The following UBE3D variants were observed in gnomAD, a reference collection of about 807,000 sequenced individuals.
UBE3D encodes E3 ubiquitin-protein ligase E3D.
In UBE3D, 48 loss-of-function variants were observed where a neutral mutation model predicts 49.6. The ratio of observed to expected loss-of-function variants is 0.97; its 90% CI spans 0.77 to 1.23. The LOEUF is 1.23. UBE3D is among the 50% of genes most tolerant of loss of function. The pLI, the probability that UBE3D is intolerant of heterozygous loss-of-function variation, is 0.00. For missense variants in UBE3D, 452 were observed against 468.4 expected (o/e 0.96, Z 0.32); for synonymous variants, 189 against 174.2 (o/e 1.08, Z -0.67).
chr6:82,975,723 A>G (rs981851631), intron 8 of UBE3D, among the ~76,000 whole-genome samples: 1 of 152,176 alleles, frequency 6.6e-6, no homozygotes, highest in Non-Finnish European at 1.5e-5. Flanking sequence ...TTTTTAAAAA[A>G]CTAACCTAAA....
chr6:82,945,874 C>T (rs1010787944), intron 9 of UBE3D, among the ~76,000 whole-genome samples: 1 of 152,116 alleles, frequency 6.6e-6, no homozygotes. Flanking sequence ...GCAACTTACA[C>T]ACTAAAGATT....
At chr6:82,956,763 C>T (rs764124900) in intron 9 of UBE3D, among the ~76,000 whole-genome samples, 17 of 152,172 alleles carry the variant, frequency 1.1e-4, no homozygotes, top group Non-Finnish European at 2.5e-4. Context: ...AGTTATACAG[C>T]TGTGAGTTCT....
At chr6:82,919,570 T>A (rs971209470) in intron 9 of UBE3D, among the ~76,000 whole-genome samples, 3 of 151,780 alleles carry the variant, frequency 2.0e-5, no homozygotes, top group Non-Finnish European at 4.4e-5. Context: ...CACTCCAGCC[T>A]GGGCGACACA....
chr6:83,012,391 A>G (rs1780401598), intron 8 of UBE3D, among the ~76,000 whole-genome samples: 1 of 152,158 alleles, frequency 6.6e-6, no homozygotes, highest in Non-Finnish European at 1.5e-5. Flanking sequence ...CTGCTGGCAA[A>G]TTGCGCGTTC....
chr6:82,970,400 G>A (rs1381714933), intron 8 of UBE3D, among the ~76,000 whole-genome samples: 7 of 151,930 alleles, frequency 4.6e-5, no homozygotes, highest in Admixed American at 4.6e-4. Context: ...CACAGGCAGA[G>A]GGCAGAAAAC....
chr6:82,946,875 TG>T (rs1775444131), intron 9 of UBE3D, among the ~76,000 whole-genome samples: 1 of 151,724 alleles, frequency 6.6e-6, no homozygotes, highest in Admixed American at 6.6e-5. Flanking sequence ...AGATAGTTTT[TG>T]CAAACCTCAT....
chr6:83,053,832 G>C (rs76863083), intron 3 of UBE3D, among the ~76,000 whole-genome samples: 1 of 152,174 alleles, frequency 6.6e-6, no homozygotes, highest in Non-Finnish European at 1.5e-5. Flanking sequence ...ACTCAGCATC[G>C]TGTTGGATGA....
rs1045657354 is a variant in UBE3D, at chr6:82,930,429, G to T, written c.1149+26883C>A. 7.9e-4 allele frequency among the ~76,000 whole-genome samples: 121 copies of T among 152,202 alleles called. 1 individual carries two copies. Among genetic ancestry groups the T allele is most frequent in the Non-Finnish European group, 1.9e-4 (13 of 68,034 alleles). On this transcript the variant is annotated intron_variant, in intron 9 of 9. Transcript: ENST00000369747. ...GGAACTGGGTAACAGGCAGAGGTTG[G>T]AATAGTTTGGCAGGCTCAGAAGAAG...
intron 5 of UBE3D, among the ~76,000 whole-genome samples, chr6:83,028,985 G>C (rs1456477351): frequency 6.6e-6 from 1 of 151,996 alleles, no homozygotes; most frequent in East Asian, 1.9e-4. Context: ...CACCTTAATT[G>C]TATTAGGAAA....
chr6:82,926,518 G>A (rs293505), intron 9 of UBE3D, among the ~76,000 whole-genome samples: 2 of 152,018 alleles, frequency 1.3e-5, no homozygotes, highest in Non-Finnish European at 2.9e-5. Flanking sequence ...AATTGCCAAC[G>A]TGTTTTCTAA....
chr6:83,051,026 A>G (rs1245012350), intron 3 of UBE3D, among the ~76,000 whole-genome samples: 3 of 152,262 alleles, frequency 2.0e-5, no homozygotes, highest in African/African-American at 7.2e-5. Flanking sequence ...AAAAGGTTTG[A>G]AACACTAAAC....
At chr6:83,055,162 C>T (rs1783736792) in intron 2 of UBE3D, among the ~76,000 whole-genome samples, 1 of 152,054 alleles carries the variant, frequency 6.6e-6, no homozygotes, top group Non-Finnish European at 1.5e-5. Flanking sequence ...ATATTTCTCA[C>T]ACTATGGGAA....
chr6:82,999,463 C>T (rs1779471566), intron 8 of UBE3D, among the ~76,000 whole-genome samples: 1 of 152,280 alleles, frequency 6.6e-6, no homozygotes, highest in East Asian at 1.9e-4. Flanking sequence ...AGGCTCATGG[C>T]AACCTCTGCC....
chr6:83,026,456 AAT>A (rs1425959055), intron 5 of UBE3D, among the ~76,000 whole-genome samples: 1 of 152,026 alleles, frequency 6.6e-6, no homozygotes, highest in East Asian at 1.9e-4. Flanking sequence ...AATAAAATAA[AAT>A]AGTGTTGTCA....
chr6:83,025,183 A>T (rs1781367559), intron 5 of UBE3D, among the ~76,000 whole-genome samples: 1 of 152,168 alleles, frequency 6.6e-6, no homozygotes, highest in African/African-American at 2.4e-5. Context: ...CAGTGCTCCT[A>T]CCTGAAAAGG....
At chr6:83,049,517 C>T (rs1417685399) in intron 3 of UBE3D, among the ~76,000 whole-genome samples, 1 of 152,140 alleles carries the variant, frequency 6.6e-6, no homozygotes, top group Non-Finnish European at 1.5e-5. Context: ...TTTTTAACCT[C>T]TTTGTAGAAA....
chr6:82,960,358 C>T (rs1273222515), intron 8 of UBE3D, among the ~76,000 whole-genome samples: 1 of 151,938 alleles, frequency 6.6e-6, no homozygotes, highest in Non-Finnish European at 1.5e-5. Context: ...AATGCTAGTG[C>T]AGTGGCTCTA....
intron 2 of UBE3D, among the ~76,000 whole-genome samples, chr6:83,055,008 GAACA>G (rs149779206): frequency 0.015 from 2,284 of 152,196 alleles, 54 homozygotes; most frequent in African/African-American, 0.051. Flanking sequence ...ATAACCATAT[GAACA>G]AACAAAGATC....
intron 9 of UBE3D, among the ~76,000 whole-genome samples, chr6:82,931,230 A>G (rs1774124872): frequency 6.6e-6 from 1 of 152,252 alleles, no homozygotes; most frequent in African/African-American, 2.4e-5. Flanking sequence ...GATATATGGA[A>G]GTGCCTGGAA....
Sources: gnomAD v4.1 joint callset for allele counts (sites outside exome capture counted in the v4.1 genomes callset) on GRCh38, gnomAD v4.1.1 for gene constraint, MANE v1.5 for transcripts, NCBI Gene and HGNC (gene_info 2026-07-23, HGNC 2026-07-21) for gene names.